Variants in SOS1 observed in about 807,000 individuals in gnomAD.
The protein encoded by SOS1 is son of sevenless homolog 1.
A neutral mutation model predicts 157.6 loss-of-function variants in SOS1; 25 were observed. That is an observed-to-expected ratio of 0.16 (90% CI 0.12 to 0.22). The LOEUF is 0.22. Ranked by LOEUF, SOS1 falls within the 10% of genes least tolerant of loss-of-function variation. The probability of loss-of-function intolerance (pLI) is 1.00; values close to 1 mark genes in which losing one functional copy is unlikely to be tolerated. For synonymous variants in SOS1, 528 were observed against 534.0 expected, an observed-to-expected ratio of 0.99 and a Z score of 0.16; for missense variants, 1,237 against 1,599.1, an observed-to-expected ratio of 0.77 and a Z score of 3.86.
chr2:39,022,696 C>T lies in SOS1; in HGVS notation c.1732G>A (p.Ala578Thr), dbSNP rs1290072717. The change falls in exon 10 of 23, where the codon GCA (alanine) becomes ACA (threonine). Residue 578 changes from alanine (A) to threonine (T), a missense_variant. Ala to Thr is a moderately conservative substitution (Grantham distance 58). Transcript: ENST00000402219. Reference sequence around the variant, plus strand: ...ATATTCTCTTCAGAGTCAGGCTCTGCAAATCTATAAACATCAGCACTAGGC... The same window carrying T: ...ATATTCTCTTCAGAGTCAGGCTCTGTAAATCTATAAACATCAGCACTAGGC... ...RLPSADVYRF[A>T]EPDSEENIIF... is the part of the protein sequence containing the mutation. 1 of 1,613,570 alleles carries T rather than the reference C, an allele frequency of 6.2e-7. No individual in the cohort carries two copies. The highest frequency in any genetic ancestry group is 8.5e-7 in the Non-Finnish European group (1 of 1,179,558).
At chr2:39,003,231 A>G (rs1373573118) in intron 17 of SOS1, among the ~76,000 whole-genome samples, 1 of 152,162 alleles carries the variant, frequency 6.6e-6, no homozygotes, top group South Asian at 2.1e-4. Flanking sequence ...TGAGAAAGAT[A>G]TATTACAAAT....
At chr2:39,056,313 A>ATT (rs1671208676) in intron 4 of SOS1, among the ~76,000 whole-genome samples, 1 of 152,138 alleles carries the variant, frequency 6.6e-6, no homozygotes, top group Non-Finnish European at 1.5e-5. Flanking sequence ...GCTACTCAGG[A>ATT]GGCTGAGGCA....
intron 8 of SOS1, among the ~76,000 whole-genome samples, chr2:39,025,544 G>A (rs1348214937): frequency 1.3e-5 from 2 of 149,688 alleles, no homozygotes; most frequent in Non-Finnish European, 3.0e-5. Flanking sequence ...ACTTCTAGTA[G>A]AGACAAGTTT....
chr2:39,071,894 T>A (rs1381226730), intron 1 of SOS1, among the ~76,000 whole-genome samples: 1 of 151,886 alleles, frequency 6.6e-6, no homozygotes, highest in Non-Finnish European at 1.5e-5. Context: ...CAAGTTTTTT[T>A]ATCTGCCTAT....
chr2:39,028,341 G>C (rs1330006573), intron 8 of SOS1, among the ~76,000 whole-genome samples: 1 of 152,012 alleles, frequency 6.6e-6, no homozygotes, highest in African/African-American at 2.4e-5. Flanking sequence ...TGAATATAAA[G>C]AATATAGCAG....
chr2:39,097,341 G>C (rs1672807514), intron 1 of SOS1, among the ~76,000 whole-genome samples: 1 of 152,030 alleles, frequency 6.6e-6, no homozygotes, highest in Non-Finnish European at 1.5e-5. Context: ...AATTCTTTAT[G>C]ACAGTTATAG....
intron 21 of SOS1, among the ~76,000 whole-genome samples, chr2:38,988,945 CT>C (rs3085353): frequency 1.4e-5 from 2 of 142,014 alleles, no homozygotes; most frequent in South Asian, 2.2e-4. Context: ...ATGCTCTTGC[CT>C]TTTTTTTTTT....
At chr2:39,068,510 C>G (rs1214637248) in intron 1 of SOS1, among the ~76,000 whole-genome samples, 1 of 152,124 alleles carries the variant, frequency 6.6e-6, no homozygotes, top group East Asian at 1.9e-4. Context: ...ATCAAGTTCA[C>G]CAGTGTATCT....
rs1270753380 is a variant in SOS1, at chr2:39,033,734, G to A, written c.1074+1478C>T. ...TCTATTTTTGTAGAGACAGGGTCTT[G>A]CCATGTTGCCCAAGCTGGTCTTGAA... is the stretch of plus-strand genomic sequence containing the variant. On this transcript the variant is annotated intron_variant, in intron 8 of 22. Transcript: ENST00000402219. Among the ~76,000 whole-genome samples the A allele has an allele frequency of 3.9e-5, 6 of 152,188 alleles. No individual in the cohort carries two copies. In the East Asian group the frequency reaches 1.2e-3, roughly 29 times the overall value.
At chr2:39,055,661 A>G (rs765886552) in intron 4 of SOS1, among the ~76,000 whole-genome samples, 5 of 152,242 alleles carry the variant, frequency 3.3e-5, no homozygotes, top group Non-Finnish European at 5.9e-5. Flanking sequence ...GGAATCAGCA[A>G]TCAGAAATAA....
intron 1 of SOS1, among the ~76,000 whole-genome samples, chr2:39,119,719 C>T (rs949946112): frequency 6.6e-6 from 1 of 151,954 alleles, no homozygotes; most frequent in Non-Finnish European, 1.5e-5. Flanking sequence ...TCTTAACAAG[C>T]CAAATGACAG....
At chr2:39,038,452 T>G (rs998129669) in intron 6 of SOS1, among the ~76,000 whole-genome samples, 4 of 151,960 alleles carry the variant, frequency 2.6e-5, no homozygotes, top group African/African-American at 9.7e-5. Flanking sequence ...AAGTGGTTTC[T>G]TGGCTGGGCG....
chr2:39,110,039 C>CGCGCGTGTGTGT (rs1553371510), intron 1 of SOS1, among the ~76,000 whole-genome samples: 1 of 135,420 alleles, frequency 7.4e-6, no homozygotes, highest in Non-Finnish European at 1.6e-5. Flanking sequence ...TGTGTGTGTG[C>CGCGCGTGTGTGT]GTGTGTGTGT....
upstream of SOS1, among the ~76,000 whole-genome samples, chr2:39,123,445 C>T (rs539747546): frequency 6.6e-6 from 1 of 151,882 alleles, no homozygotes; most frequent in Admixed American, 6.6e-5. Context: ...ACAACCTCCA[C>T]TTCCCAGGTT....
intron 1 of SOS1, among the ~76,000 whole-genome samples, chr2:39,117,519 T>C (rs1224032125): frequency 1.3e-5 from 2 of 152,206 alleles, no homozygotes; most frequent in Admixed American, 1.3e-4. Context: ...TAAAAGGTTA[T>C]GGTAGACAAT....
chr2:39,073,560 A>G (rs1021088179), intron 1 of SOS1, among the ~76,000 whole-genome samples: 1 of 152,222 alleles, frequency 6.6e-6, no homozygotes, highest in African/African-American at 2.4e-5. Context: ...TGAATTATAA[A>G]CCTTCCTTAA....
rs1668454958 is a variant in SOS1, at chr2:38,983,270, A to G, written c.*2554T>C. The G allele has an allele frequency of 1.3e-5, 2 of 152,164 alleles. No homozygotes were observed. Among genetic ancestry groups the G allele is most frequent in the African/African-American group, 4.8e-5 (2 of 41,452 alleles). The allele number at this position is 152,164 out of a possible 1,614,324, so 9.4% of individuals were successfully genotyped here. On this transcript the variant is annotated 3_prime_UTR_variant, in exon 23 of 23. Coordinates refer to ENST00000402219, the MANE Select transcript of SOS1 (RefSeq NM_005633.4). ...TAGATTTTCATTACTACAAGGATAA[A>G]TTTGTCAACTAGTTAATGTTTCATA... is the stretch of plus-strand genomic sequence containing the variant.
intron 6 of SOS1, among the ~76,000 whole-genome samples, chr2:39,041,388 C>G (rs1453364293): frequency 3.9e-5 from 6 of 152,136 alleles, no homozygotes; most frequent in African/African-American, 1.4e-4. Context: ...ATCCTTTGCC[C>G]ATTTTTAAAT....
At chr2:39,024,174 C>T (rs2124539756) in intron 8 of SOS1, 37 bp from the exon 9 acceptor site, 1 of 1,557,442 alleles carries the variant, frequency 6.4e-7, no homozygotes, top group Non-Finnish European at 8.8e-7. Context: ...ACCAGTAGTA[C>T]ATTTTTGGAT....
Sources: gnomAD v4.1 joint callset for allele counts (sites outside exome capture counted in the v4.1 genomes callset) on GRCh38, gnomAD v4.1.1 for gene constraint, MANE v1.5 for transcripts, NCBI Gene and HGNC (gene_info 2026-07-23, HGNC 2026-07-21) for gene names.